The following NPIPB2 variants were observed in gnomAD, a reference collection of about 807,000 sequenced individuals.
NPIPB2 encodes nuclear pore complex interacting protein family member B2.
A neutral mutation model predicts 30.8 loss-of-function variants in NPIPB2; 27 were observed. The observed-to-expected ratio is 0.88, with a 90% CI of 0.65 to 1.21. NPIPB2 has a LOEUF of 1.21. Ranked by LOEUF, NPIPB2 falls within the 50% of genes most tolerant of loss-of-function variation. NPIPB2 has a pLI of 0.00. For synonymous variants in NPIPB2, 147 were observed against 162.0 expected, an observed-to-expected ratio of 0.91 and a Z score of 0.70; for missense variants, 440 against 446.2, an observed-to-expected ratio of 0.99 and a Z score of 0.13.
chr16:11,941,184 G>A (rs2054934061), intron 1 of NPIPB2: 1 of 1,520,656 alleles, frequency 6.6e-7, no homozygotes, highest in Non-Finnish European at 8.8e-7. Flanking sequence ...TGGACTGATG[G>A]CTGATAAATT....
intron 1 of NPIPB2, among the ~76,000 whole-genome samples, chr16:11,962,381 C>T (rs762103614): frequency 1.3e-5 from 2 of 151,596 alleles, no homozygotes; most frequent in African/African-American, 2.4e-5. Flanking sequence ...TGCCTGTAAT[C>T]CCGGATCATG....
chr16:11,933,906 T>C (rs764549437), exon 3 of NPIPB2: 11 of 1,551,526 alleles, frequency 7.1e-6, no homozygotes, highest in South Asian at 6.7e-5. Flanking sequence ...GACTGGAAGA[T>C]AGTCTTCAGG....
chr16:11,966,095 A>C, intron 1 of NPIPB2: 1 of 1,297,666 alleles, frequency 7.7e-7, no homozygotes, highest in Non-Finnish European at 1.0e-6. Flanking sequence ...TGGGCAACAG[A>C]GCAAGACTTT....
At chr16:11,959,333 G>A (rs2055137399) in intron 1 of NPIPB2, among the ~76,000 whole-genome samples, 1 of 152,154 alleles carries the variant, frequency 6.6e-6, no homozygotes, top group Admixed American at 6.6e-5. Context: ...TGTAATCCCA[G>A]CACTTTGGGA....
intron 1 of NPIPB2, among the ~76,000 whole-genome samples, chr16:11,950,821 G>A (rs768573498): frequency 1.3e-5 from 2 of 151,954 alleles, no homozygotes; most frequent in African/African-American, 4.8e-5. Flanking sequence ...CTCTTTCTTC[G>A]TGGAATTTAC....
chr16:11,951,321 G>A (rs933339542), intron 1 of NPIPB2, among the ~76,000 whole-genome samples: 11 of 150,734 alleles, frequency 7.3e-5, no homozygotes, highest in South Asian at 2.1e-4. Context: ...AAAATTAGCC[G>A]GGCATAGTGG....
intron 1 of NPIPB2, chr16:11,965,080 A>G: frequency 1.9e-6 from 1 of 536,316 alleles, no homozygotes; most frequent in Non-Finnish European, 3.3e-6. Flanking sequence ...ATGCCCTGAT[A>G]TTTACACCCT....
In NPIPB2 at chr16:11,933,255, G is replaced by GAAA. The variant is rs1337413488; in HGVS notation, c.488+259_488+261dup. Reference sequence around the variant, plus strand: ...CAACAAGAGCAAAGCTCCATCTCAGGAAAAAAAAAAAAAGAGACAGAGAAA... The same window carrying GAAA: ...CAACAAGAGCAAAGCTCCATCTCAGGAAAAAAAAAAAAAAAAGAGACAGAGAAA... On this transcript the variant is annotated intron_variant, in intron 4 of 7. Coordinates refer to ENST00000399147, the Ensembl canonical transcript of NPIPB2. Among the ~76,000 whole-genome samples the GAAA allele has an allele frequency of 2.2e-5, 3 of 137,274 alleles. No homozygotes were observed. In the Admixed American group the frequency reaches 2.2e-4, roughly 10 times the overall value. The allele number at this position is 137,274 out of a possible 152,430, so 90.1% of individuals were successfully genotyped here. A position where few individuals can be genotyped will look rare whatever the true frequency, so the allele number is the denominator to read the frequency against.
intron 1 of NPIPB2, chr16:11,967,939 G>C: frequency 7.0e-7 from 1 of 1,423,300 alleles, no homozygotes; most frequent in Non-Finnish European, 9.5e-7. Context: ...GTATTTTTCA[G>C]TTGCCGATAC....
chr16:11,958,395 T>A (rs2055130896), intron 1 of NPIPB2, among the ~76,000 whole-genome samples: 1 of 148,446 alleles, frequency 6.7e-6, no homozygotes, highest in African/African-American at 2.5e-5. Context: ...GCCACTACAG[T>A]CCAGCCTGGA....
rs561449324 is a variant in NPIPB2, at chr16:11,927,708, T to G, written c.859A>C (p.Thr287Pro). The G allele has an allele frequency of 5.4e-5, 86 of 1,594,988 alleles. No individual in the cohort carries two copies. The South Asian group carries it at 8.3e-4, about 15-fold the overall frequency. The change falls in exon 8 of 8, where the codon ACT becomes CCT. Residue 287 changes from threonine to proline, a missense_variant. Physicochemically the swap from Thr to Pro is conservative, Grantham distance 38. Transcript: ENST00000399147. ...TCATCCGCTGAGGGTGGAAGGGGAGTGAGCAGACACTCGGGAGGTGTCTTG... is the reference window on the plus strand; with the variant it reads ...TCATCCGCTGAGGGTGGAAGGGGAGGGAGCAGACACTCGGGAGGTGTCTTG...
At chr16:11,934,226 T>TCACACACACACACACACACA (rs766087820) in intron 2 of NPIPB2, among the ~76,000 whole-genome samples, 7 of 121,744 alleles carry the variant, frequency 5.7e-5, no homozygotes, top group African/African-American at 2.4e-4. Flanking sequence ...TGAGACTCTG[T>TCACACACACACACACACACA]CACACACACA....
At chr16:11,936,287 G>C (rs62040805) in intron 2 of NPIPB2, among the ~76,000 whole-genome samples, 17,408 of 151,802 alleles carry the variant, frequency 0.11, 1,308 homozygotes, top group South Asian at 0.2. Context: ...CTGGGCAACA[G>C]AGGGAGACTC....
At chr16:11,968,728 AAAC>A (rs1490101287) in intron 1 of NPIPB2, 3 of 152,168 alleles carry the variant, frequency 2.0e-5, no homozygotes, top group African/African-American at 7.2e-5. Context: ...AGGTTGTTGC[AAAC>A]AACCTCAATC....
chr16:11,946,119 C>T (rs1378278750), upstream of NPIPB2, among the ~76,000 whole-genome samples: 1 of 151,760 alleles, frequency 6.6e-6, no homozygotes, highest in African/African-American at 2.4e-5. Flanking sequence ...GGCATGGTGG[C>T]TTATACCTGT....
intron 1 of NPIPB2, among the ~76,000 whole-genome samples, chr16:11,976,281 G>C (rs557353375): frequency 6.6e-6 from 1 of 152,258 alleles, no homozygotes; most frequent in South Asian, 2.1e-4. Context: ...CAGGGGCCTT[G>C]CAATTGCCCC....
chr16:11,946,032 A>G (rs1285546255), upstream of NPIPB2, among the ~76,000 whole-genome samples: 4 of 151,616 alleles, frequency 2.6e-5, no homozygotes, highest in East Asian at 3.9e-4. Context: ...CAAAAAAAAA[A>G]AAAAGAAAAG....
intron 1 of NPIPB2, among the ~76,000 whole-genome samples, chr16:11,974,415 G>C (rs1286836093): frequency 2.0e-5 from 3 of 152,128 alleles, no homozygotes; most frequent in Non-Finnish European, 4.4e-5. Flanking sequence ...TACTCGGGAG[G>C]CTGAGGCAGG....
intron 1 of NPIPB2, chr16:11,966,168 T>A: frequency 6.3e-7 from 1 of 1,590,896 alleles, no homozygotes; most frequent in Non-Finnish European, 8.6e-7. Flanking sequence ...ATCAGCTCAT[T>A]ATCTGTCTGA....
Sources: allele counts gnomAD v4.1 joint callset (sites outside exome capture counted in the v4.1 genomes callset), GRCh38; gene constraint gnomAD v4.1.1; transcripts MANE v1.5; gene names NCBI Gene and HGNC (gene_info 2026-07-23, HGNC 2026-07-21).